The following TF variants were observed in gnomAD, a reference collection of about 807,000 sequenced individuals.
The protein encoded by TF is serotransferrin.
A neutral mutation model predicts 82.4 loss-of-function variants in TF; 55 were observed. That is an observed-to-expected ratio of 0.67 (90% CI 0.54 to 0.84). TF has a LOEUF of 0.84. Among genes scored for constraint, TF ranks in the 40% least tolerant of loss-of-function variants. The pLI, the probability that TF is intolerant of heterozygous loss-of-function variation, is 0.00. For missense variants in TF, 737 were observed against 868.4 expected (o/e 0.85, Z 1.90); for synonymous variants, 332 against 332.6 (o/e 1.00, Z 0.02).
At chr3:133,771,743 CAAAA>C (rs71136494) in intron 14 of TF, among the ~76,000 whole-genome samples, 5 of 56,550 alleles carry the variant, frequency 8.8e-5, no homozygotes, top group African/African-American at 3.0e-4. Context: ...GACTCCGTCT[CAAAA>C]AAAAAAAAAA....
At chr3:133,730,020 T>C in the TF span, among the ~76,000 whole-genome samples, 1 of 152,218 alleles carries the variant, frequency 6.6e-6, no homozygotes, top group African/African-American at 2.4e-5. Context: ...TGGTGTCATA[T>C]TCTCTTGCTT....
chr3:133,735,214 G>A, the TF span, among the ~76,000 whole-genome samples: 961 of 151,998 alleles, frequency 6.3e-3, 7 homozygotes, highest in African/African-American at 0.022. Context: ...GGTGGCAGGT[G>A]CCTGTAATCC....
rs146055081 is a variant in TF, at chr3:133,775,591, G to A, written c.1846G>A (p.Val616Ile). The A allele has an allele frequency of 1.1e-5, 17 of 1,614,158 alleles. No homozygotes were observed. Among genetic ancestry groups the A allele is most frequent in the South Asian group, 3.3e-5 (3 of 91,080 alleles). ...CACACGGAAAGATAAGGAAGCTTGC[G>A]TCCACAAGATATTACGTCAACAGCA... Reference protein sequence around the residue: ...VVTRKDKEACVHKILRQQQHL... With the variant: ...VVTRKDKEACIHKILRQQQHL... The change falls in exon 15 of 17, where the codon GTC (valine) becomes ATC (isoleucine). Residue 616 changes from valine to isoleucine, a missense_variant. Transcript: ENST00000402696.
chr3:133,745,204 G>A (rs550747890), upstream of TF, among the ~76,000 whole-genome samples: 3 of 152,336 alleles, frequency 2.0e-5, no homozygotes, highest in South Asian at 2.1e-4. Context: ...CTGACCTGAC[G>A]TGTCCACTAG....
chr3:133,699,754 A>C, the TF span: 1 of 375,820 alleles, frequency 2.7e-6, no homozygotes, highest in Non-Finnish European at 5.2e-6. Context: ...GCCATGCCAC[A>C]TGTGATCCTC....
upstream of TF, among the ~76,000 whole-genome samples, chr3:133,744,837 C>A (rs912130481): frequency 1.3e-5 from 2 of 152,112 alleles, no homozygotes; most frequent in African/African-American, 4.8e-5. Context: ...ATTGTTATTG[C>A]AAAAGATTAA....
rs986013062 is a variant in TF at position 133,791,340 on chromosome 3, T to G, written c.*12720T>G. ...AAAATTCGTAAACTATTTGTGAATA[T>G]TCTTAATTCATGGCAATGTGTTTGT... On this transcript the variant is annotated 3_prime_UTR_variant, in exon 17 of 17. Transcript: ENST00000402696. The G allele has an allele frequency of 4.6e-5, 7 of 152,332 alleles. No individual in the cohort carries two copies. Among genetic ancestry groups the G allele is most frequent in the African/African-American group, 1.7e-4 (7 of 41,578 alleles). 9.4% of individuals were successfully genotyped at this position (152,332 alleles called of 1,614,324 possible). A position where few individuals can be genotyped will look rare whatever the true frequency, so the allele number is the denominator to read the frequency against.
At chr3:133,737,619 G>T in the TF span, among the ~76,000 whole-genome samples, 1 of 152,116 alleles carries the variant, frequency 6.6e-6, no homozygotes, top group Non-Finnish European at 1.5e-5. Context: ...AATAAAAAAT[G>T]ATAAAGGGGA....
chr3:133,713,641 A>G, the TF span, among the ~76,000 whole-genome samples: 4 of 152,346 alleles, frequency 2.6e-5, no homozygotes, highest in African/African-American at 9.6e-5. Context: ...AGGATCAGTC[A>G]TTCTCCTGGC....
chr3:133,727,249 G>C, the TF span, among the ~76,000 whole-genome samples: 1 of 152,120 alleles, frequency 6.6e-6, no homozygotes, highest in African/African-American at 2.4e-5. Context: ...AATGTTGATA[G>C]TGGGGTGTTA....
upstream of TF, chr3:133,745,903 G>A (rs1309005538): frequency 6.1e-6 from 1 of 163,652 alleles, no homozygotes; most frequent in African/African-American, 2.4e-5. Flanking sequence ...AAGGTGCTGA[G>A]TCTGTCTTTG....
chr3:133,690,485 T>C, the TF span, among the ~76,000 whole-genome samples: 1 of 152,224 alleles, frequency 6.6e-6, no homozygotes, highest in Non-Finnish European at 1.5e-5. Flanking sequence ...TTGGTACGCA[T>C]TGCTATTGGC....
chr3:133,733,867 CA>C, the TF span, among the ~76,000 whole-genome samples: 58,207 of 97,978 alleles, frequency 0.59, 11,752 homozygotes, highest in Middle Eastern at 0.68. Context: ...CCTTAAAAAA[CA>C]AAAAAAAAAA....
chr3:133,711,829 A>G, the TF span, among the ~76,000 whole-genome samples: 1 of 151,614 alleles, frequency 6.6e-6, no homozygotes. Flanking sequence ...ATGACAGTAA[A>G]AGGGTCTGGA....
Position 133,791,898 on chromosome 3 carries a change from T to C in TF, c.*13278T>C, listed in dbSNP as rs1310052570. 6.6e-6 allele frequency: 1 copy of C among 152,226 alleles called. No individual in the cohort carries two copies. The highest frequency in any genetic ancestry group is 2.4e-5 in the African/African-American group (1 of 41,462). The allele number at this position is 152,226 out of a possible 1,614,324, so 9.4% of individuals were successfully genotyped here. ...AGCTTAATAATAATAAGAGCTTAAA[T>C]CAAATATTTTATCAGAAAAGTAAAA... On this transcript the variant is annotated 3_prime_UTR_variant, in exon 17 of 17. Transcript: ENST00000402696.
chr3:133,682,063 C>A, the TF span, among the ~76,000 whole-genome samples: 1 of 152,174 alleles, frequency 6.6e-6, no homozygotes, highest in Non-Finnish European at 1.5e-5. Flanking sequence ...GTTCTGCAGG[C>A]TCCATTGGTG....
intron 11 of TF, among the ~76,000 whole-genome samples, chr3:133,765,683 T>C (rs572537543): frequency 2.6e-5 from 4 of 152,224 alleles, no homozygotes; most frequent in Non-Finnish European, 4.4e-5. Flanking sequence ...CTGTTTTCTG[T>C]TGGAAACTGT....
intron 15 of TF, 98 bp from the exon 16 acceptor site, chr3:133,776,951 C>T (rs919294758): frequency 1.8e-6 from 2 of 1,130,300 alleles, no homozygotes; most frequent in Non-Finnish European, 1.3e-6. Context: ...TTCCCTTTTT[C>T]CCCAGGGCTG....
chr3:133,694,257 G>A, the TF span: 2 of 152,862 alleles, frequency 1.3e-5, no homozygotes, highest in Non-Finnish European at 2.9e-5. Flanking sequence ...CCCCTGTGAG[G>A]ACATGAAGAA....
Sources: gnomAD v4.1 joint callset for allele counts (sites outside exome capture counted in the v4.1 genomes callset) on GRCh38, gnomAD v4.1.1 for gene constraint, MANE v1.5 for transcripts, NCBI Gene and HGNC (gene_info 2026-07-23, HGNC 2026-07-21) for gene names.